Variants in MALRD1 observed in about 807,000 individuals in gnomAD.
MALRD1 encodes MAM and LDL-receptor class A domain-containing protein 1.
A neutral mutation model predicts 242.1 loss-of-function variants in MALRD1; 247 were observed. The ratio of observed to expected loss-of-function variants is 1.02; its 90% CI spans 0.92 to 1.13. The LOEUF is 1.13. Among genes scored for constraint, MALRD1 ranks in the 50% most tolerant of loss-of-function variants. MALRD1 has a pLI of 0.00. For synonymous variants in MALRD1, 995 were observed against 866.6 expected, an observed-to-expected ratio of 1.15 and a Z score of -2.60; for missense variants, 2,989 against 2,533.1, an observed-to-expected ratio of 1.18 and a Z score of -3.86.
chr10:19,492,463 C>T (rs895029691), intron 30 of MALRD1, among the ~76,000 whole-genome samples: 2 of 152,154 alleles, frequency 1.3e-5, no homozygotes, highest in African/African-American at 4.8e-5. Flanking sequence ...CTGAGTCGAA[C>T]TGATAGGGTG....
At chr10:19,463,788 TCA>T (rs964420052) in intron 29 of MALRD1, among the ~76,000 whole-genome samples, 1 of 152,122 alleles carries the variant, frequency 6.6e-6, no homozygotes, top group African/African-American at 2.4e-5. Flanking sequence ...TAAGGACTAT[TCA>T]CACTGTTTTC....
chr10:19,411,318 A>G (rs1390802591), intron 28 of MALRD1, among the ~76,000 whole-genome samples: 1 of 152,192 alleles, frequency 6.6e-6, no homozygotes, highest in East Asian at 1.9e-4. Context: ...AAAAACTACC[A>G]CTAGCAGCAG....
chr10:19,489,450 C>T (rs1238206810), intron 29 of MALRD1: 4 of 586,144 alleles, frequency 6.8e-6, no homozygotes, highest in South Asian at 1.4e-5. Context: ...CCTTCTTGTA[C>T]AATCCAGGGG....
At chr10:19,131,542 T>C (rs1487507335) in intron 8 of MALRD1, among the ~76,000 whole-genome samples, 1 of 152,156 alleles carries the variant, frequency 6.6e-6, no homozygotes, top group Non-Finnish European at 1.5e-5. Context: ...CATGTAATTA[T>C]TTACCAATAA....
At chr10:19,264,397 T>G (rs1489238325) in intron 19 of MALRD1, among the ~76,000 whole-genome samples, 3 of 152,106 alleles carry the variant, frequency 2.0e-5, no homozygotes, top group African/African-American at 4.8e-5. Context: ...TTTTCTTTCC[T>G]TGTAGTCTCC....
chr10:19,562,572 T>A (rs866104003), intron 32 of MALRD1, among the ~76,000 whole-genome samples: 1 of 152,164 alleles, frequency 6.6e-6, no homozygotes, highest in South Asian at 2.1e-4. Context: ...TCTGTTCTAG[T>A]ACATTGTGGT....
chr10:19,665,660 C>T (rs946685716), intron 36 of MALRD1, among the ~76,000 whole-genome samples: 5 of 152,082 alleles, frequency 3.3e-5, no homozygotes, highest in Non-Finnish European at 7.4e-5. Context: ...TCTACTAAAA[C>T]GTGGGCATTC....
intron 33 of MALRD1, 94 bp from the exon 34 acceptor site, chr10:19,595,100 T>C: frequency 8.0e-7 from 1 of 1,257,398 alleles, no homozygotes; most frequent in Admixed American, 2.9e-5. Context: ...TAAAATTCAT[T>C]TTATACAATA....
At chr10:19,214,851 G>A (rs933473736) in intron 18 of MALRD1, among the ~76,000 whole-genome samples, 3 of 152,176 alleles carry the variant, frequency 2.0e-5, no homozygotes, top group Non-Finnish European at 4.4e-5. Context: ...GCCTTTGCTT[G>A]ATGAGAGGAA....
At chr10:19,176,186 TTA>T (rs1835222714) in intron 14 of MALRD1, among the ~76,000 whole-genome samples, 1 of 151,932 alleles carries the variant, frequency 6.6e-6, no homozygotes, top group African/African-American at 2.4e-5. Context: ...TATTCCTAAG[TTA>T]TATATACTTA....
chr10:19,602,065 A>T (rs1838367539), intron 34 of MALRD1, among the ~76,000 whole-genome samples: 1 of 149,954 alleles, frequency 6.7e-6, no homozygotes. Context: ...TTTACTGTGT[A>T]TTGCTTTATT....
At chr10:19,373,923 TG>T (rs1473798298) in intron 26 of MALRD1, among the ~76,000 whole-genome samples, 2 of 152,214 alleles carry the variant, frequency 1.3e-5, no homozygotes, top group Non-Finnish European at 2.9e-5. Context: ...GTGACTGGTC[TG>T]TTTCTCTCTC....
chr10:19,637,814 C>T (rs925420859), intron 36 of MALRD1, among the ~76,000 whole-genome samples: 3 of 151,800 alleles, frequency 2.0e-5, no homozygotes, highest in Non-Finnish European at 4.4e-5. Context: ...TATAAGAATT[C>T]GGTAAGCCAG....
Position 19,102,108 on chromosome 10 carries a change from A to ATATATGATATAAATTATATAATATATAT in MALRD1, c.598-1865_598-1838dup, listed in dbSNP as rs1836287518. Reference sequence around the variant, plus strand: ...ATAACATATTATTATATCATATATGATATATGATATAAATTATATAATATA... The same window carrying ATATATGATATAAATTATATAATATATAT: ...ATAACATATTATTATATCATATATGATATATGATATAAATTATATAATATATATTATATGATATAAATTATATAATATA... On this transcript the variant is annotated intron_variant, in intron 4 of 39. Transcript: ENST00000454679. Among the ~76,000 whole-genome samples, 6 of 146,100 alleles carry ATATATGATATAAATTATATAATATATAT rather than the reference A, an allele frequency of 4.1e-5. No individual in the cohort carries two copies. The Admixed American group carries it at 4.2e-4, about 10-fold the overall frequency.
At chr10:19,562,919 C>T (rs1255231335) in intron 32 of MALRD1, among the ~76,000 whole-genome samples, 2 of 152,078 alleles carry the variant, frequency 1.3e-5, no homozygotes. Context: ...CCCCTGGCAC[C>T]CCATCCGTGG....
chr10:19,451,499 A>T (rs1835325750), intron 29 of MALRD1, among the ~76,000 whole-genome samples: 1 of 152,200 alleles, frequency 6.6e-6, no homozygotes, highest in South Asian at 2.1e-4. Flanking sequence ...TTTCAGAGGA[A>T]TTATTCCATT....
intron 19 of MALRD1, among the ~76,000 whole-genome samples, chr10:19,271,645 C>G (rs1226792780): frequency 1.3e-5 from 2 of 152,084 alleles, no homozygotes; most frequent in Non-Finnish European, 2.9e-5. Flanking sequence ...CACCTGTAGT[C>G]CCAGCTACTT....
intron 10 of MALRD1, among the ~76,000 whole-genome samples, chr10:19,143,866 G>C (rs1171838576): frequency 6.6e-6 from 1 of 152,168 alleles, no homozygotes; most frequent in Non-Finnish European, 1.5e-5. Context: ...TAGACCAGAG[G>C]GTTCTGTAAA....
chr10:19,261,217 G>A (rs1839731563), intron 19 of MALRD1, among the ~76,000 whole-genome samples: 1 of 152,154 alleles, frequency 6.6e-6, no homozygotes, highest in Non-Finnish European at 1.5e-5. Context: ...CATAGGCAGA[G>A]ATGCGAAATG....
Sources: allele counts gnomAD v4.1 joint callset (sites outside exome capture counted in the v4.1 genomes callset), GRCh38; gene constraint gnomAD v4.1.1; transcripts MANE v1.5; gene names NCBI Gene and HGNC (gene_info 2026-07-23, HGNC 2026-07-21).